SLC35F1: variants seen among roughly 807,000 people sequenced by gnomAD.
The protein encoded by SLC35F1 is chromosome 6 open reading frame 169.
A neutral mutation model predicts 48.7 loss-of-function variants in SLC35F1; 14 were observed. The observed-to-expected ratio is 0.29, with a 90% CI of 0.19 to 0.45. The LOEUF (loss-of-function observed/expected upper bound fraction) is 0.45, where lower values mean the gene tolerates loss of function less well. Among genes scored for constraint, SLC35F1 ranks in the 20% least tolerant of loss-of-function variants. The pLI is 1.00. For missense variants in SLC35F1, 404 were observed against 500.0 expected (o/e 0.81, Z 1.83); for synonymous variants, 190 against 202.2 (o/e 0.94, Z 0.51).
intron 1 of SLC35F1, among the ~76,000 whole-genome samples, chr6:118,024,037 A>G (rs1041703031): frequency 8.5e-5 from 13 of 152,190 alleles, no homozygotes; most frequent in African/African-American, 2.9e-4. Context: ...CTGTGGGATT[A>G]CTAGGGAATT....
chr6:118,297,630 A>ATATAT (rs1562354617), intron 7 of SLC35F1, among the ~76,000 whole-genome samples: 51 of 129,970 alleles, frequency 3.9e-4, no homozygotes, highest in African/African-American at 1.0e-3. Context: ...ACTTATATAT[A>ATATAT]TATATATAAA....
chr6:118,194,963 G>A (rs1774781733), intron 2 of SLC35F1, among the ~76,000 whole-genome samples: 1 of 152,114 alleles, frequency 6.6e-6, no homozygotes, highest in African/African-American at 2.4e-5. Flanking sequence ...TGCTGTCCAA[G>A]GAGTTTCATC....
chr6:118,275,363 A>C, intron 4 of SLC35F1, 96 bp from the exon 5 acceptor site: 1 of 1,295,216 alleles, frequency 7.7e-7, no homozygotes, highest in Middle Eastern at 2.5e-4. Flanking sequence ...ATGTCAAAAT[A>C]GAATAGGCAA....
rs73518538 is a variant in SLC35F1 at position 118,300,189 on chromosome 6, C to G, written c.1003-13839C>G. On this transcript the variant is annotated intron_variant, in intron 7 of 7. Transcript: ENST00000360388. ...GACCATTTTTTTTCTTGTCATTATTCCCTAAAGAATACAAAATAACAACTA... is the reference window on the plus strand; with the variant it reads ...GACCATTTTTTTTCTTGTCATTATTGCCTAAAGAATACAAAATAACAACTA... Among the ~76,000 whole-genome samples the G allele has an allele frequency of 9.2e-3, 1,403 of 152,126 alleles. 26 individuals are homozygous for G. Among genetic ancestry groups the G allele is most frequent in the African/African-American group, 0.032 (1,339 of 41,492 alleles).
At chr6:118,227,036 T>C (rs1057408748) in intron 2 of SLC35F1, among the ~76,000 whole-genome samples, 6 of 152,114 alleles carry the variant, frequency 3.9e-5, no homozygotes, top group African/African-American at 1.4e-4. Flanking sequence ...ACACCATGGG[T>C]GGAATAACCT....
At chr6:118,209,109 T>C (rs207467394) in intron 2 of SLC35F1, among the ~76,000 whole-genome samples, 1 of 152,232 alleles carries the variant, frequency 6.6e-6, no homozygotes, top group Non-Finnish European at 1.5e-5. Context: ...GAGGGCTTGC[T>C]GGGTTTATCC....
chr6:118,138,270 T>G (rs1773827220), intron 1 of SLC35F1, among the ~76,000 whole-genome samples: 1 of 150,640 alleles, frequency 6.6e-6, no homozygotes, highest in Non-Finnish European at 1.5e-5. Context: ...ATCACACCAC[T>G]GCACTTCAGC....
intron 2 of SLC35F1, among the ~76,000 whole-genome samples, chr6:118,183,104 T>C (rs1301019860): frequency 6.6e-6 from 1 of 152,204 alleles, no homozygotes; most frequent in Admixed American, 6.5e-5. Flanking sequence ...GCTCAGATTG[T>C]TGCAATCCAT....
At chr6:118,006,071 A>G (rs1469166629) in intron 1 of SLC35F1, among the ~76,000 whole-genome samples, 3 of 152,230 alleles carry the variant, frequency 2.0e-5, no homozygotes, top group Non-Finnish European at 4.4e-5. Flanking sequence ...GGAAAAATCT[A>G]TGAGATAATA....
In SLC35F1 at chr6:118,006,629, T is replaced by G. The variant is rs116137622; in HGVS notation, c.173+98730T>G. ...GCAAGACTCTGTCTCTAAAAATAAC[T>G]AAATTAAAAATAAATAAATAAAGTG... is the stretch of plus-strand genomic sequence containing the variant. On this transcript the variant is annotated intron_variant, in intron 1 of 7. Transcript: ENST00000360388. Among the ~76,000 whole-genome samples, 131 of 152,186 alleles carry G rather than the reference T, an allele frequency of 8.6e-4. 1 individual carries two copies. Among genetic ancestry groups the G allele is most frequent in the African/African-American group, 3.0e-3 (124 of 41,548 alleles).
chr6:117,955,981 A>G (rs1283025423), intron 1 of SLC35F1, among the ~76,000 whole-genome samples: 1 of 152,220 alleles, frequency 6.6e-6, no homozygotes, highest in Non-Finnish European at 1.5e-5. Flanking sequence ...TAAGAGAAAC[A>G]GCATGAGGGA....
chr6:118,077,282 CT>C (rs1384580835), intron 1 of SLC35F1, among the ~76,000 whole-genome samples: 1 of 152,130 alleles, frequency 6.6e-6, no homozygotes, highest in Non-Finnish European at 1.5e-5. Flanking sequence ...TGGGCAGAGG[CT>C]TACAGGTGGG....
chr6:117,987,989 A>T (rs1412066588), intron 1 of SLC35F1, among the ~76,000 whole-genome samples: 2 of 152,152 alleles, frequency 1.3e-5, no homozygotes, highest in Admixed American at 6.5e-5. Flanking sequence ...TGGGCCATTC[A>T]TAAAGGGATG....
chr6:118,196,137 A>G (rs1054647985), intron 2 of SLC35F1, among the ~76,000 whole-genome samples: 3 of 152,214 alleles, frequency 2.0e-5, no homozygotes, highest in Non-Finnish European at 4.4e-5. Flanking sequence ...AAACAGCTGG[A>G]TTAGTTACAG....
chr6:118,064,323 ATAGTCT>A (rs1772583614), intron 1 of SLC35F1, among the ~76,000 whole-genome samples: 1 of 152,190 alleles, frequency 6.6e-6, no homozygotes, highest in Non-Finnish European at 1.5e-5. Context: ...TGACAAACTG[ATAGTCT>A]TAGTTCTTTT....
intron 1 of SLC35F1, among the ~76,000 whole-genome samples, chr6:117,949,271 G>T (rs1434110505): frequency 6.6e-6 from 1 of 152,144 alleles, no homozygotes; most frequent in Non-Finnish European, 1.5e-5. Flanking sequence ...GTAATACGTT[G>T]TGCTTCTGAT....
rs565425591 is a variant in SLC35F1 at position 117,969,644 on chromosome 6, A to G, written c.173+61745A>G. ...GTGAAAGTATCACTTGAGCCCAGGA[A>G]TTTGAGGGTTCAGTGAGCTATGATC... On this transcript the variant is annotated intron_variant, in intron 1 of 7. Transcript: ENST00000360388. Among the ~76,000 whole-genome samples, 4 of 152,188 alleles carry G rather than the reference A, an allele frequency of 2.6e-5. No homozygotes were observed. The South Asian group carries it at 8.3e-4, about 32-fold the overall frequency.
At chr6:118,200,544 C>T (rs899164512) in intron 2 of SLC35F1, among the ~76,000 whole-genome samples, 1 of 152,112 alleles carries the variant, frequency 6.6e-6, no homozygotes, top group Non-Finnish European at 1.5e-5. Context: ...GTAATAAAAG[C>T]CGTAACTCAA....
chr6:118,025,757 A>C (rs1024967397), intron 1 of SLC35F1, among the ~76,000 whole-genome samples: 1 of 152,144 alleles, frequency 6.6e-6, no homozygotes, highest in African/African-American at 2.4e-5. Context: ...GGCCTTTGAG[A>C]ACTCTTTCAA....
Sources: gnomAD v4.1 joint callset for allele counts (sites outside exome capture counted in the v4.1 genomes callset) on GRCh38, gnomAD v4.1.1 for gene constraint, MANE v1.5 for transcripts, NCBI Gene and HGNC (gene_info 2026-07-23, HGNC 2026-07-21) for gene names.